Variants in SYNPO2 observed in about 807,000 individuals in gnomAD.
SYNPO2 encodes the protein synaptopodin-2.
SYNPO2 carries 56 observed loss-of-function variants against 85.0 expected under a neutral mutation model. The observed-to-expected ratio is 0.66, with a 90% CI of 0.53 to 0.82. SYNPO2 has a LOEUF of 0.82. Ranked by LOEUF, SYNPO2 falls within the 40% of genes least tolerant of loss-of-function variation. The probability of loss-of-function intolerance (pLI) is 0.00; values close to 1 mark genes in which losing one functional copy is unlikely to be tolerated. For synonymous variants in SYNPO2, 602 were observed against 591.1 expected, an observed-to-expected ratio of 1.02 and a Z score of -0.27; for missense variants, 1,575 against 1,534.2, an observed-to-expected ratio of 1.03 and a Z score of -0.44.
At chr4:119,005,610 A>G (rs1003552831) in intron 1 of SYNPO2, among the ~76,000 whole-genome samples, 1 of 146,788 alleles carries the variant, frequency 6.8e-6, no homozygotes, top group Admixed American at 6.9e-5. Context: ...TACCAGTACC[A>G]TGCTGTTTTG....
chr4:118,971,458 A>G (rs1735538361), intron 1 of SYNPO2, among the ~76,000 whole-genome samples: 1 of 152,220 alleles, frequency 6.6e-6, no homozygotes, highest in Admixed American at 6.5e-5. Flanking sequence ...TTTTACTCAC[A>G]ATGAAGATGC....
At chr4:119,007,250 A>ATG (rs1390679788) in intron 1 of SYNPO2, among the ~76,000 whole-genome samples, 14 of 26,006 alleles carry the variant, frequency 5.4e-4, no homozygotes, top group African/African-American at 1.2e-4. Context: ...ATATATGTAT[A>ATG]TACATATATA....
chr4:119,007,900 A>T (rs994242964), intron 1 of SYNPO2, among the ~76,000 whole-genome samples: 1 of 152,190 alleles, frequency 6.6e-6, no homozygotes, highest in Non-Finnish European at 1.5e-5. Flanking sequence ...TTAATAGAGG[A>T]ATATATGAGA....
intron 1 of SYNPO2, among the ~76,000 whole-genome samples, chr4:118,879,409 G>C (rs956963017): frequency 1.3e-5 from 2 of 152,188 alleles, no homozygotes; most frequent in African/African-American, 4.8e-5. Flanking sequence ...AAGTGGGGCT[G>C]TGCGAAGGTA....
At chr4:118,965,819 A>G (rs1296989805) in intron 1 of SYNPO2, among the ~76,000 whole-genome samples, 6 of 152,232 alleles carry the variant, frequency 3.9e-5, no homozygotes, top group Non-Finnish European at 1.5e-5. Context: ...ATGGTGGCTC[A>G]CATCTGTAAT....
Position 118,997,629 on chromosome 4 carries a change from A to G in SYNPO2, c.106-25801A>G, listed in dbSNP as rs946937005. Among the ~76,000 whole-genome samples the G allele has an allele frequency of 3.9e-5, 6 of 152,328 alleles. No homozygotes were observed. The East Asian group carries it at 7.7e-4, about 20-fold the overall frequency. Reference sequence around the variant, plus strand: ...CAAAGTCTGTGAGTTGAAAGATTCAATAGTGGATGCCTGCTCTGCTCACCT... The same window carrying G: ...CAAAGTCTGTGAGTTGAAAGATTCAGTAGTGGATGCCTGCTCTGCTCACCT... On this transcript the variant is annotated intron_variant, in intron 1 of 4. Transcript: ENST00000307142.
intron 1 of SYNPO2, among the ~76,000 whole-genome samples, chr4:118,873,494 G>A (rs1291575704): frequency 1.3e-5 from 2 of 151,952 alleles, no homozygotes; most frequent in African/African-American, 4.8e-5. Flanking sequence ...CTATTTGTAT[G>A]TCTTCTTTTG....
At chr4:119,037,470 T>G (rs1488721855) in intron 4 of SYNPO2, 1 of 1,054,182 alleles carries the variant, frequency 9.5e-7, no homozygotes, top group African/African-American at 1.7e-5. Flanking sequence ...TCATTTGTCT[T>G]TTCTTCAGGA....
rs894969163 is a variant in SYNPO2, at chr4:118,888,855, C to CA, written c.-181dup. ...TCCTTGAGAATGAGCCCATTAGCCG[C>CA]ACAAATTCGCAGCAGGCGGCTGGGG... On this transcript the variant is annotated 5_prime_UTR_variant, in exon 1 of 5. Transcript: ENST00000307142. The CA allele has an allele frequency of 9.4e-6, 6 of 639,644 alleles. No individual in the cohort carries two copies. In the Admixed American group the frequency reaches 1.7e-4, roughly 18 times the overall value. 39.6% of individuals were successfully genotyped at this position (639,644 alleles called of 1,614,324 possible).
Position 119,031,569 on chromosome 4 carries a change from T to C in SYNPO2, c.2794T>C (p.Ser932Pro). 6.2e-7 allele frequency: 1 copy of C among 1,614,034 alleles called. No homozygotes were observed. Among genetic ancestry groups the C allele is most frequent in the Non-Finnish European group, 8.5e-7 (1 of 1,180,012 alleles). The change falls in exon 4 of 5, where the codon TCT (serine) becomes CCT (proline). Residue 932 changes from serine to proline, a missense_variant. Physicochemically the swap from Ser to Pro is moderately conservative, Grantham distance 74. Transcript: ENST00000307142. ...PVAYNPIHSP[S>P]YPLAALKSQP... is the part of the protein sequence containing the mutation. ...GGCCTATAATCCTATCCACTCGCCGTCTTACCCACTGGCTGCTCTCAAGTC... is the reference window on the plus strand; with the variant it reads ...GGCCTATAATCCTATCCACTCGCCGCCTTACCCACTGGCTGCTCTCAAGTC...
chr4:118,967,458 A>G (rs1030871524), intron 1 of SYNPO2, among the ~76,000 whole-genome samples: 1 of 152,226 alleles, frequency 6.6e-6, no homozygotes, highest in Non-Finnish European at 1.5e-5. Context: ...CCAAACTAGC[A>G]GGTTGTGCTC....
At chr4:119,023,402 C>T (rs1340244833) in intron 1 of SYNPO2, 28 bp from the exon 2 acceptor site, 5 of 1,584,782 alleles carry the variant, frequency 3.2e-6, no homozygotes, top group Middle Eastern at 3.4e-4. Flanking sequence ...TATCATTCTA[C>T]TATGTCTTCT....
rs187549004 is a variant in SYNPO2, at chr4:118,930,662, C to G, written c.105+41521C>G. Among the ~76,000 whole-genome samples the G allele has an allele frequency of 3.0e-4, 45 of 151,384 alleles. 1 individual carries two copies. In the East Asian group the frequency reaches 8.4e-3, roughly 28 times the overall value. ...GGGTGAGGTGGCTCATGCCTGTAATCCCAGCACTTTGGGAGCCCAAAGTGG... is the reference window on the plus strand; with the variant it reads ...GGGTGAGGTGGCTCATGCCTGTAATGCCAGCACTTTGGGAGCCCAAAGTGG... On this transcript the variant is annotated intron_variant, in intron 1 of 4. Transcript: ENST00000307142.
intron 1 of SYNPO2, among the ~76,000 whole-genome samples, chr4:118,959,373 G>A (rs1180413185): frequency 6.6e-6 from 1 of 152,202 alleles, no homozygotes; most frequent in East Asian, 1.9e-4. Context: ...AGAATTAAAA[G>A]AAGAGTGATG....
At chr4:119,005,492 C>A (rs992850397) in intron 1 of SYNPO2, among the ~76,000 whole-genome samples, 1 of 140,280 alleles carries the variant, frequency 7.1e-6, no homozygotes, top group African/African-American at 2.5e-5. Context: ...GGAATCCTTT[C>A]CCCATTTCTT....
chr4:119,034,200 G>A lies in SYNPO2; in HGVS notation c.3252+2173G>A, dbSNP rs181907517. ...GAACAACCAAAAAAGGCTTCTTATG[G>A]TGCAGCAGGAAAAAAGATCATTTTT... On this transcript the variant is annotated intron_variant, in intron 4 of 4. Coordinates refer to ENST00000307142, the MANE Select transcript of SYNPO2 (RefSeq NM_133477.3). 2.7e-4 allele frequency: 262 copies of A among 985,438 alleles called. No homozygotes were observed. In the African/African-American group the frequency reaches 4.3e-3, roughly 16 times the overall value. The allele number at this position is 985,438 out of a possible 1,614,324, so 61.0% of individuals were successfully genotyped here. A position where few individuals can be genotyped will look rare whatever the true frequency, so the allele number is the denominator to read the frequency against.
chr4:118,929,584 G>A (rs28718468), intron 1 of SYNPO2, among the ~76,000 whole-genome samples: 3,532 of 151,956 alleles, frequency 0.023, 128 homozygotes, highest in African/African-American at 0.081. Flanking sequence ...ATGGAATCCC[G>A]CCCCTCACTT....
intron 4 of SYNPO2, chr4:119,037,190 T>C: frequency 6.5e-7 from 1 of 1,544,094 alleles, no homozygotes; most frequent in Non-Finnish European, 8.8e-7. Flanking sequence ...CTCTACCTGA[T>C]AATGATAATA....
At chr4:118,857,742 G>A (rs1441628807) in intron 1 of SYNPO2, among the ~76,000 whole-genome samples, 2 of 152,208 alleles carry the variant, frequency 1.3e-5, no homozygotes, top group African/African-American at 2.4e-5. Context: ...CTCGTACTAA[G>A]AGGGTCATGT....
Sources: allele counts gnomAD v4.1 joint callset (sites outside exome capture counted in the v4.1 genomes callset), GRCh38; gene constraint gnomAD v4.1.1; transcripts MANE v1.5; gene names NCBI Gene and HGNC (gene_info 2026-07-23, HGNC 2026-07-21).